The following EOMES variants were observed in gnomAD, a reference collection of about 807,000 sequenced individuals.
EOMES encodes eomesodermin.
A neutral mutation model predicts 61.0 loss-of-function variants in EOMES; 18 were observed. That is an observed-to-expected ratio of 0.30 (90% CI 0.20 to 0.44). The LOEUF (loss-of-function observed/expected upper bound fraction) is 0.44, where lower values mean the gene tolerates loss of function less well. Among genes scored for constraint, EOMES ranks in the 20% least tolerant of loss-of-function variants. EOMES has a pLI of 1.00. For missense variants in EOMES, 885 were observed against 939.2 expected (o/e 0.94, Z 0.75); for synonymous variants, 430 against 394.0 (o/e 1.09, Z -1.08).
rs149280214 is a variant in EOMES at position 27,717,105 on chromosome 3, T to A, written c.2083A>T (p.Met695Leu). 2.4e-5 allele frequency: 39 copies of A among 1,612,940 alleles called. No individual in the cohort carries two copies. Among genetic ancestry groups the A allele is most frequent in the Non-Finnish European group, 3.1e-5 (37 of 1,178,986 alleles). The stretch of plus-strand genomic sequence containing the variant: ...GTGTAAAAAGCATAATACCCTCCCA[T>A]GCCTTTTGAGGTGTCTTTACTATAC... ...EEYSKDTSKG[M>L]GGYYAFYTTP The change falls in exon 6 of 6, where the codon ATG becomes TTG. Residue 695 changes from methionine to leucine, a missense_variant. Physicochemically the swap from Met to Leu is conservative, Grantham distance 15. Transcript: ENST00000449599. This position sits in a 1 kb window ranked among gnomAD's most constrained non-coding sequence, Gnocchi z 4.5.
At position 27,717,479 on chromosome 3, in the gene EOMES, T is replaced by G; in HGVS notation, c.1709A>C (p.Lys570Thr). 6.2e-7 allele frequency: 1 copy of G among 1,614,132 alleles called. No homozygotes were observed. The highest frequency in any genetic ancestry group is 8.5e-7 in the Non-Finnish European group (1 of 1,179,990). ...ATGGGATGTCTGAAGGGGCAAGGAT[T>G]TAATGCCATATGGGAGCAATGTGCT... ...TSSTLLPYGI[K>T]SLPLQTSHAL... The change falls in exon 6 of 6, where the codon AAA (lysine) becomes ACA (threonine). Residue 570 changes from lysine (K) to threonine (T), a missense_variant. Physicochemically the swap from Lys to Thr is moderately conservative, Grantham distance 78. This residue lies in a region of EOMES where 259 missense variants were observed against 282.3 expected (regional missense o/e 0.92). Coordinates refer to ENST00000449599, the MANE Select transcript of EOMES (RefSeq NM_001278182.2). This position sits in a 1 kb window ranked among gnomAD's most constrained non-coding sequence, Gnocchi z 4.5.
At position 27,720,223 on chromosome 3, in the gene EOMES, G is replaced by C. The variant is rs776182892; in HGVS notation, c.984C>G (p.Arg328=). The C allele has an allele frequency of 3.7e-6, 6 of 1,610,086 alleles. No individual in the cohort carries two copies. The highest frequency in any genetic ancestry group is 4.2e-6 in the Non-Finnish European group (5 of 1,178,040). Residue 328 remains arginine (R), a synonymous_variant, in exon 2 of 6, where the codon CGC becomes CGG. Transcript: ENST00000449599. ...AGGTCACCCATTTGCCCCCCTGGAA[G>C]CGCCAGTGGTTGGGGTCCGCCAGCA... The part of the protein sequence containing the change: ...EVVLADPNHW[R]FQGGKWVTCG...
rs911749296 is a variant in EOMES at position 27,721,125 on chromosome 3, C to T, written c.881+289G>A. ...GGATCTAACGAATCCAGCTTGTGGA[C>T]ATGCCCTAATTTCCATTTCCGCCTC... On this transcript the variant is annotated intron_variant, in intron 1 of 5. Transcript: ENST00000449599. The surrounding 1 kb of genome is among the most constrained non-coding windows in gnomAD (Gnocchi z 7.4). Among the ~76,000 whole-genome samples, 1 of 152,214 alleles carries T rather than the reference C, an allele frequency of 6.6e-6. No individual in the cohort carries two copies. The highest frequency in any genetic ancestry group is 1.5e-5 in the Non-Finnish European group (1 of 68,038).
upstream of EOMES, chr3:27,722,501 G>T: frequency 7.4e-7 from 1 of 1,350,218 alleles, no homozygotes. Flanking sequence ...GAAGGAAAGC[G>T]CCGTGAGTTG....
Position 27,717,512 on chromosome 3 carries a change from T to C in EOMES, c.1676A>G (p.Tyr559Cys). 6.2e-7 allele frequency: 1 copy of C among 1,614,202 alleles called. No homozygotes were observed. The highest frequency in any genetic ancestry group is 2.2e-5 in the East Asian group (1 of 44,888). The change falls in exon 6 of 6, where the codon TAT becomes TGT. Residue 559 changes from tyrosine (Y) to cysteine (C), a missense_variant. Physicochemically the swap from Tyr to Cys is radical, Grantham distance 194 (BLOSUM62 -2). Around this residue, in one of 3 missense-constraint regions of EOMES, gnomAD observed 259 missense variants for 282.3 expected, o/e 0.92. Transcript: ENST00000449599. This position sits in a 1 kb window ranked among gnomAD's most constrained non-coding sequence, Gnocchi z 4.5. ...ATATGGGAGCAATGTGCTAGAAGTA[T>C]ATTCAGATTCATAGGAACTGATGTC... ...KLDISSYESE[Y>C]TSSTLLPYGI...
chr3:27,722,658 G>T (rs1384862595), upstream of EOMES: 14 of 1,045,586 alleles, frequency 1.3e-5, no homozygotes, highest in Admixed American at 5.6e-5. Context: ...ACTAGCCCGC[G>T]CCTTTCTGCC....
intron 3 of EOMES, among the ~76,000 whole-genome samples, 168 bp downstream of exon 3, chr3:27,719,189 TAAG>T (rs1375648539): frequency 4.6e-5 from 7 of 151,924 alleles, no homozygotes; most frequent in African/African-American, 1.7e-4. Context: ...CGAAATCCAA[TAAG>T]AAAGTGAAGA....
chr3:27,722,548 C>G, upstream of EOMES: 1 of 1,301,504 alleles, frequency 7.7e-7, no homozygotes, highest in Non-Finnish European at 9.7e-7. Flanking sequence ...GAAGCCCTCT[C>G]CTTTTCCTTC....
Position 27,721,765 on chromosome 3 carries a change from T to A in EOMES, c.530A>T (p.Tyr177Phe). The A allele has an allele frequency of 2.0e-6, 3 of 1,495,046 alleles. No homozygotes were observed. Among genetic ancestry groups the A allele is most frequent in the Non-Finnish European group, 2.6e-6 (3 of 1,134,158 alleles). The allele number at this position is 1,495,046 out of a possible 1,614,324, so 92.6% of individuals were successfully genotyped here. The change falls in exon 1 of 6, where the codon TAC becomes TTC. Residue 177 changes from tyrosine (Y) to phenylalanine (F), a missense_variant. Transcript: ENST00000449599. The surrounding 1 kb of genome is among the most constrained non-coding windows in gnomAD (Gnocchi z 7.4). ...GTAGCGCGCCCCGTTAGGAGCCGGG[T>A]ACACAGGTCCGTGGGGCGCCCCAGC... ...AAAGAPHGPV[Y>F]PAPNGARYPY...
Position 27,721,622 on chromosome 3 carries a change from C to T in EOMES, c.673G>A (p.Gly225Ser). The change falls in exon 1 of 6, where the codon GGC becomes AGC. Residue 225 changes from glycine to serine, a missense_variant. By Grantham distance (56) the Gly-to-Ser change is moderately conservative. This residue lies in a region of EOMES where 449 missense variants were observed against 383.6 expected (regional missense o/e 1.17). Transcript: ENST00000449599. This position sits in a 1 kb window ranked among gnomAD's most constrained non-coding sequence, Gnocchi z 7.4. ...TACTGATAGGTGCCCGGGCCGCCGC[C>T]CCCGCCGCTGCTACCGCCCGCGCCA... ...GSGAGGSSGG[G>S]GGPGTYQYSQ... is the part of the protein sequence containing the mutation. 1 of 1,543,292 alleles carries T rather than the reference C, an allele frequency of 6.5e-7. No homozygotes were observed. Among genetic ancestry groups the T allele is most frequent in the South Asian group, 1.2e-5 (1 of 84,260 alleles).
In EOMES at chr3:27,722,062, G is replaced by A. The variant is rs1161870197; in HGVS notation, c.233C>T (p.Ala78Val). Residue 78 changes from alanine to valine, a missense_variant, in exon 1 of 6, where the codon GCC (alanine) becomes GTC (valine). This residue lies in a region of EOMES where 449 missense variants were observed against 383.6 expected (regional missense o/e 1.17). Coordinates refer to ENST00000449599, the MANE Select transcript of EOMES (RefSeq NM_001278182.2). ...CCCGGCGTCGGTGTCACTAAGCATG[G>A]CCGCGGGGGCCCCTGCGCTGGCGGC... ...PAAASAGAPA[A>V]MLSDTDAGDA... is the part of the protein sequence containing the mutation. 1 of 1,545,602 alleles carries A rather than the reference G, an allele frequency of 6.5e-7. No individual in the cohort carries two copies. Among genetic ancestry groups the A allele is most frequent in the East Asian group, 2.5e-5 (1 of 40,344 alleles).
In EOMES at chr3:27,722,069, G is replaced by A; in HGVS notation, c.226C>T (p.Pro76Ser). 3 of 1,545,992 alleles carry A rather than the reference G, an allele frequency of 1.9e-6. No homozygotes were observed. The highest frequency in any genetic ancestry group is 1.7e-4 in the Middle Eastern group (1 of 5,928). The part of the protein sequence containing the change: ...GEPAAASAGA[P>S]AAMLSDTDAG... The stretch of plus-strand genomic sequence containing the variant: ...TCGGTGTCACTAAGCATGGCCGCGG[G>A]GGCCCCTGCGCTGGCGGCTGCGGGC... Residue 76 changes from proline to serine, a missense_variant, in exon 1 of 6, where the codon CCC (proline) becomes TCC (serine). Coordinates refer to ENST00000449599, the MANE Select transcript of EOMES (RefSeq NM_001278182.2).
upstream of EOMES, chr3:27,722,456 C>G: frequency 1.5e-6 from 2 of 1,364,842 alleles, no homozygotes; most frequent in Non-Finnish European, 1.9e-6. Context: ...CGCTACTGCG[C>G]GTACTGGCGC....
chr3:27,717,846 A>AG lies in EOMES; in HGVS notation c.1380-39_1380-38insC. The AG allele has an allele frequency of 3.3e-6, 4 of 1,229,960 alleles. No individual in the cohort carries two copies. The South Asian group carries it at 7.2e-5, about 22-fold the overall frequency. 76.2% of individuals were successfully genotyped at this position (1,229,960 alleles called of 1,614,324 possible). A position where few individuals can be genotyped will look rare whatever the true frequency, so the allele number is the denominator to read the frequency against. On this transcript the variant is annotated intron_variant, in intron 5 of 5. Transcript: ENST00000449599. This position sits in a 1 kb window ranked among gnomAD's most constrained non-coding sequence, Gnocchi z 4.5. ...GAGAAACACTTAAAAAAAAAAAAAA[A>AG]CCCTAATGTTGTCCCCAAACAAACC...
chr3:27,720,237 G>T lies in EOMES; in HGVS notation c.970C>A (p.Pro324Thr). ...CCCCCCTGGAAGCGCCAGTGGTTGG[G>T]GTCCGCCAGCACCACCTCTACGAAC... ...NVFVEVVLAD[P>T]NHWRFQGGKW... is the part of the protein sequence containing the mutation. The change falls in exon 2 of 6, where the codon CCC (proline) becomes ACC (threonine). Residue 324 changes from proline to threonine, a missense_variant. Transcript: ENST00000449599. The T allele has an allele frequency of 6.2e-7, 1 of 1,613,126 alleles. No individual in the cohort carries two copies.
upstream of EOMES, chr3:27,722,402 C>G: frequency 1.5e-6 from 2 of 1,366,148 alleles, no homozygotes. Flanking sequence ...AGGTAACTTC[C>G]CCTTCCTCCC....
chr3:27,717,098 C>A lies in EOMES; in HGVS notation c.2090G>T (p.Gly697Val). The change falls in exon 6 of 6, where the codon GGG (glycine) becomes GTG (valine). Residue 697 changes from glycine to valine, a missense_variant. Physicochemically the swap from Gly to Val is moderately radical, Grantham distance 109. Coordinates refer to ENST00000449599, the MANE Select transcript of EOMES (RefSeq NM_001278182.2). This position sits in a 1 kb window ranked among gnomAD's most constrained non-coding sequence, Gnocchi z 4.5. ...GGGAGTTGTGTAAAAAGCATAATAC[C>A]CTCCCATGCCTTTTGAGGTGTCTTT... ...YSKDTSKGMG[G>V]YYAFYTTP is the part of the protein sequence containing the mutation. 6.2e-7 allele frequency: 1 copy of A among 1,611,394 alleles called. No individual in the cohort carries two copies. The highest frequency in any genetic ancestry group is 8.5e-7 in the Non-Finnish European group (1 of 1,178,058).
chr3:27,721,636 C>A lies in EOMES; in HGVS notation c.659G>T (p.Gly220Val). ...PGAGAGSGAGGSSGGGGGPGT... is the reference protein window; with the variant it reads ...PGAGAGSGAGVSSGGGGGPGT... ...CGGGCCGCCGCCCCCGCCGCTGCTA[C>A]CGCCCGCGCCACTGCCCGCACCGGC... Residue 220 changes from glycine (G) to valine (V), a missense_variant, in exon 1 of 6, where the codon GGT becomes GTT. By Grantham distance (109) the Gly-to-Val change is moderately radical. Coordinates refer to ENST00000449599, the MANE Select transcript of EOMES (RefSeq NM_001278182.2). This position sits in a 1 kb window ranked among gnomAD's most constrained non-coding sequence, Gnocchi z 7.4. 6.5e-7 allele frequency: 1 copy of A among 1,541,848 alleles called. No individual in the cohort carries two copies. Among genetic ancestry groups the A allele is most frequent in the East Asian group, 2.4e-5 (1 of 41,036 alleles).
In EOMES at chr3:27,719,358, A is replaced by C; in HGVS notation, c.1158+2T>G. The C allele has an allele frequency of 6.2e-7, 1 of 1,614,026 alleles. No individual in the cohort carries two copies. Among genetic ancestry groups the C allele is most frequent in the Non-Finnish European group, 8.5e-7 (1 of 1,179,926 alleles). On this transcript the variant is annotated splice_donor_variant, in intron 3 of 5. Transcript: ENST00000449599. LOFTEE classifies it high-confidence loss of function. ...ATATCCCCTCCTGCTCTGTCACTCT[A>C]CCTGGGTGTTGTTGTTATTTGCGCC...
Sources: gnomAD v4.1 joint callset for allele counts (sites outside exome capture counted in the v4.1 genomes callset) on GRCh38, gnomAD v4.1.1 for gene constraint, gnomAD v4.1.1 regional missense constraint, Gnocchi (gnomAD v3.1) non-coding constraint, MANE v1.5 for transcripts, NCBI Gene and HGNC (gene_info 2026-07-23, HGNC 2026-07-21) for gene names.